SFSWAP: variants seen among roughly 807,000 people sequenced by gnomAD.
The protein encoded by SFSWAP is splicing factor, suppressor of white-apricot homolog.
In SFSWAP, 17 loss-of-function variants were observed where a neutral mutation model predicts 100.7. The observed-to-expected ratio is 0.17, with a 90% CI of 0.12 to 0.25. The LOEUF (loss-of-function observed/expected upper bound fraction) is 0.25. Among genes scored for constraint, SFSWAP ranks in the 10% least tolerant of loss-of-function variants. The pLI is 1.00. For synonymous variants in SFSWAP, 504 were observed against 510.1 expected (o/e 0.99, Z 0.16); for missense variants, 1,005 against 1,262.6 (o/e 0.80, Z 3.09).
intron 13 of SFSWAP, among the ~76,000 whole-genome samples, chr12:131,770,152 G>GGT (rs1883469851): frequency 1.3e-5 from 2 of 152,208 alleles, no homozygotes; most frequent in African/African-American, 4.8e-5. Context: ...CAACTTCTGG[G>GGT]ACAGGTTACC....
At chr12:131,726,761 G>A (rs1046738648) in intron 5 of SFSWAP, among the ~76,000 whole-genome samples, 179 bp from the exon 6 acceptor site, 7 of 152,318 alleles carry the variant, frequency 4.6e-5, no homozygotes, top group East Asian at 3.9e-4. Flanking sequence ...GGCAAAGGTC[G>A]CAATCCTTTT....
chr12:131,747,053 G>A (rs371002226), intron 7 of SFSWAP, among the ~76,000 whole-genome samples: 8 of 141,542 alleles, frequency 5.7e-5, no homozygotes, highest in East Asian at 2.0e-4. Context: ...GCAGTGAGCC[G>A]AGATCGCACC....
At chr12:131,718,063 C>G (rs1411046078) in intron 3 of SFSWAP, among the ~76,000 whole-genome samples, 1 of 152,198 alleles carries the variant, frequency 6.6e-6, no homozygotes, top group Non-Finnish European at 1.5e-5. Context: ...GGCTTCATCT[C>G]TGATTTTTGA....
chr12:131,751,225 A>C (rs1489852086), intron 7 of SFSWAP, among the ~76,000 whole-genome samples: 1 of 152,258 alleles, frequency 6.6e-6, no homozygotes, highest in East Asian at 1.9e-4. Flanking sequence ...TAAAGAATGC[A>C]GGTATCAGGT....
At chr12:131,719,243 C>G (rs1373038662) in intron 3 of SFSWAP, among the ~76,000 whole-genome samples, 1 of 151,868 alleles carries the variant, frequency 6.6e-6, no homozygotes, top group Non-Finnish European at 1.5e-5. Context: ...CACCCCACCT[C>G]CCCCCACCAC....
chr12:131,713,886 G>C, intron 1 of SFSWAP, 185 bp from the exon 2 acceptor site: 2 of 399,242 alleles, frequency 5.0e-6, no homozygotes, highest in Non-Finnish European at 8.8e-6. Flanking sequence ...TTTAAAAGTA[G>C]GTGAGATATG....
intron 11 of SFSWAP, among the ~76,000 whole-genome samples, chr12:131,760,008 T>G (rs1437764655): frequency 1.3e-5 from 2 of 152,176 alleles, no homozygotes; most frequent in African/African-American, 4.8e-5. Context: ...TAATTAATGT[T>G]GGAAAAACAG....
chr12:131,783,179 TA>T lies in SFSWAP; in HGVS notation c.2409-3265del, dbSNP rs555914355. ...CTGGGCAATAGAGCAAGACTCCGTC[TA>T]AAAAAAAAAAAAAAAAAAGATTAAA... On this transcript the variant is annotated intron_variant, in intron 14 of 17. Coordinates refer to ENST00000261674, the MANE Select transcript of SFSWAP (RefSeq NM_004592.4). Among the ~76,000 whole-genome samples the T allele has an allele frequency of 8.5e-3, 1,058 of 124,616 alleles. 6 individuals carry two copies. Among genetic ancestry groups the T allele is most frequent in the African/African-American group, 0.015 (485 of 33,022 alleles). 81.8% of individuals were successfully genotyped at this position (124,616 alleles called of 152,430 possible). A position where few individuals can be genotyped will look rare whatever the true frequency, so the allele number is the denominator to read the frequency against.
intron 13 of SFSWAP, 131 bp from the exon 14 acceptor site, chr12:131,777,934 C>G: frequency 7.0e-7 from 1 of 1,430,750 alleles, no homozygotes; most frequent in Non-Finnish European, 9.2e-7. Flanking sequence ...TGGATAGCCA[C>G]AGGAGGAGAC....
intron 15 of SFSWAP, among the ~76,000 whole-genome samples, chr12:131,792,856 A>C (rs1328767637): frequency 6.6e-6 from 1 of 152,224 alleles, no homozygotes; most frequent in African/African-American, 2.4e-5. Context: ...ACAAACTCCA[A>C]AGCGTGTGTG....
chr12:131,766,339 G>A (rs1211869913), intron 13 of SFSWAP, 31 bp downstream of exon 13: 1 of 1,597,504 alleles, frequency 6.3e-7, no homozygotes, highest in Non-Finnish European at 8.6e-7. Context: ...GGTATCTGCG[G>A]GGCTGTGTGA....
Position 131,727,025 on chromosome 12 carries a change from G to C in SFSWAP, c.918G>C (p.Lys306Asn). ...ATCCCTCTCTCTTTGCCTCCAAGAAGTGTAACCGCCTTGAAGAGCTGATGA... is the reference window on the plus strand; with the variant it reads ...ATCCCTCTCTCTTTGCCTCCAAGAACTGTAACCGCCTTGAAGAGCTGATGA... ...YLHPSLFASK[K>N]CNRLEELMKP... Residue 306 changes from lysine to asparagine, a missense_variant, in exon 6 of 18, where the codon AAG becomes AAC. Lys to Asn is a moderately conservative substitution (Grantham distance 94). Transcript: ENST00000261674. 6.2e-7 allele frequency: 1 copy of C among 1,600,810 alleles called. No homozygotes were observed. The highest frequency in any genetic ancestry group is 1.1e-5 in the South Asian group (1 of 89,138).
At chr12:131,779,805 G>A (rs1167297200) in intron 14 of SFSWAP, among the ~76,000 whole-genome samples, 1 of 152,174 alleles carries the variant, frequency 6.6e-6, no homozygotes, top group East Asian at 1.9e-4. Flanking sequence ...TTTATTTAGA[G>A]ACGGAGTTTT....
intron 11 of SFSWAP, among the ~76,000 whole-genome samples, chr12:131,763,703 T>A (rs116295513): frequency 0.012 from 1,877 of 152,304 alleles, 35 homozygotes; most frequent in African/African-American, 0.043. Context: ...TAATTTTTGC[T>A]TTGTAAGAAA....
intron 13 of SFSWAP, among the ~76,000 whole-genome samples, chr12:131,767,950 C>G (rs1017612022): frequency 3.9e-5 from 6 of 152,206 alleles, no homozygotes; most frequent in African/African-American, 1.4e-4. Context: ...GGTAGTAACT[C>G]CGGGAATTTT....
intron 7 of SFSWAP, among the ~76,000 whole-genome samples, chr12:131,746,190 C>G (rs1881086613): frequency 6.6e-6 from 1 of 152,180 alleles, no homozygotes; most frequent in South Asian, 2.1e-4. Flanking sequence ...GTGCAGCCCA[C>G]CTTGTATCTC....
At chr12:131,770,973 G>A (rs1593171532) in intron 13 of SFSWAP, among the ~76,000 whole-genome samples, 1 of 152,192 alleles carries the variant, frequency 6.6e-6, no homozygotes, top group African/African-American at 2.4e-5. Flanking sequence ...TTCACCTAGC[G>A]TGGTATCCTC....
rs780358020 is a variant in SFSWAP at position 131,714,031 on chromosome 12, C to T, written c.219-40C>T. The T allele has an allele frequency of 7.7e-6, 12 of 1,555,158 alleles. 1 individual carries two copies. Among genetic ancestry groups the T allele is most frequent in the South Asian group, 1.1e-5 (1 of 88,776 alleles). On this transcript the variant is annotated intron_variant, in intron 1 of 17. Transcript: ENST00000261674. This position sits in a 1 kb window ranked among gnomAD's most constrained non-coding sequence, Gnocchi z 6.0. Reference sequence around the variant, plus strand: ...CATCACACACGCACACCAGTCTAGACGTTAATTTCCTTTTATTGACCAGCT... The same window carrying T: ...CATCACACACGCACACCAGTCTAGATGTTAATTTCCTTTTATTGACCAGCT...
At chr12:131,783,213 A>G (rs1884629635) in intron 14 of SFSWAP, among the ~76,000 whole-genome samples, 1 of 151,426 alleles carries the variant, frequency 6.6e-6, no homozygotes, top group Admixed American at 6.6e-5. Context: ...AAAGTAAAAT[A>G]CTTTTATTGT....
Sources: gnomAD v4.1 joint callset for allele counts (sites outside exome capture counted in the v4.1 genomes callset) on GRCh38, gnomAD v4.1.1 for gene constraint, Gnocchi (gnomAD v3.1) non-coding constraint, MANE v1.5 for transcripts, NCBI Gene and HGNC (gene_info 2026-07-23, HGNC 2026-07-21) for gene names.